Variants in EXOC6B observed in about 807,000 individuals in gnomAD.
EXOC6B encodes the protein SEC15 homolog B.
EXOC6B carries 54 observed loss-of-function variants against 113.5 expected under a neutral mutation model. That is an observed-to-expected ratio of 0.48 (90% CI 0.38 to 0.60). The LOEUF is 0.60. EXOC6B is among the 20% of genes least tolerant of loss of function. The pLI is 0.00. For synonymous variants in EXOC6B, 357 were observed against 339.0 expected (o/e 1.05, Z -0.58); for missense variants, 797 against 977.5 (o/e 0.82, Z 2.46).
At chr2:72,801,348 GCTCT>G (rs1267356487) in intron 1 of EXOC6B, among the ~76,000 whole-genome samples, 1 of 152,082 alleles carries the variant, frequency 6.6e-6, no homozygotes, top group Non-Finnish European at 1.5e-5. Context: ...AGATAAGTGT[GCTCT>G]CTGTTTATCA....
intron 6 of EXOC6B, among the ~76,000 whole-genome samples, chr2:72,699,027 C>T (rs553488516): frequency 6.6e-6 from 1 of 152,186 alleles, no homozygotes. Context: ...AATCCCCTGA[C>T]ATTTTATGTG....
chr2:72,467,744 G>A (rs773182669), intron 17 of EXOC6B, among the ~76,000 whole-genome samples: 5 of 151,612 alleles, frequency 3.3e-5, no homozygotes, highest in African/African-American at 4.8e-5. Flanking sequence ...CAGCTGTATC[G>A]TTTGCAAATA....
At chr2:72,580,615 T>G (rs1465008882) in intron 6 of EXOC6B, among the ~76,000 whole-genome samples, 2 of 152,190 alleles carry the variant, frequency 1.3e-5, no homozygotes, top group African/African-American at 4.8e-5. Flanking sequence ...ATCCTCTGTT[T>G]CACCTCTTAT....
intron 20 of EXOC6B, among the ~76,000 whole-genome samples, chr2:72,195,919 A>G (rs1252212092): frequency 1.3e-5 from 2 of 152,248 alleles, no homozygotes; most frequent in East Asian, 3.8e-4. Flanking sequence ...TATTAATATT[A>G]GTATGTGTGT....
chr2:72,675,971 T>C (rs1266461159), intron 6 of EXOC6B, among the ~76,000 whole-genome samples: 1 of 152,100 alleles, frequency 6.6e-6, no homozygotes, highest in Non-Finnish European at 1.5e-5. Flanking sequence ...GTAGAAATTT[T>C]TTTTTAAAGA....
chr2:72,438,941 C>G (rs1696038446), intron 18 of EXOC6B, among the ~76,000 whole-genome samples: 1 of 152,130 alleles, frequency 6.6e-6, no homozygotes, highest in African/African-American at 2.4e-5. Context: ...TGAAAAACAG[C>G]TATTAATAAA....
rs561422374 is a variant in EXOC6B, at chr2:72,340,198, T to C, written c.2123-5178A>G. Among the ~76,000 whole-genome samples, 100 of 152,240 alleles carry C rather than the reference T, an allele frequency of 6.6e-4. 1 individual carries two copies. The South Asian group carries it at 0.02, about 31-fold the overall frequency. ...CACAGAATACTAAATTAGAATAAAA[T>C]GGTAGAGTGAGAGTTAGGAGGGGCC... is the stretch of plus-strand genomic sequence containing the variant. On this transcript the variant is annotated intron_variant, in intron 19 of 21. Transcript: ENST00000272427.
At chr2:72,645,685 A>T (rs896048780) in intron 6 of EXOC6B, among the ~76,000 whole-genome samples, 6 of 152,232 alleles carry the variant, frequency 3.9e-5, no homozygotes, top group African/African-American at 1.4e-4. Flanking sequence ...CTGCTCCTGA[A>T]TGACTACTGG....
chr2:72,182,991 C>T (rs1678188065), intron 21 of EXOC6B: 1 of 963,968 alleles, frequency 1.0e-6, no homozygotes, highest in South Asian at 5.3e-5. Flanking sequence ...CAGGAGAAAA[C>T]TGCAGTCTGA....
chr2:72,224,056 C>A, intron 20 of EXOC6B, among the ~76,000 whole-genome samples: 1 of 151,886 alleles, frequency 6.6e-6, no homozygotes, highest in East Asian at 1.9e-4. Flanking sequence ...AGCACCTAAA[C>A]GAGGATTTTT....
At chr2:72,292,327 T>A (rs1478594978) in intron 20 of EXOC6B, among the ~76,000 whole-genome samples, 10 of 152,112 alleles carry the variant, frequency 6.6e-5, no homozygotes, top group African/African-American at 9.7e-5. Flanking sequence ...CCTGCTTTTT[T>A]AAAATATAAT....
intron 7 of EXOC6B, among the ~76,000 whole-genome samples, chr2:72,563,048 A>G (rs1193293339): frequency 1.3e-5 from 2 of 152,146 alleles, no homozygotes; most frequent in Non-Finnish European, 2.9e-5. Flanking sequence ...AGGATCAAAT[A>G]GTAGGTAAGA....
chr2:72,638,482 A>T (rs1672999301), intron 6 of EXOC6B, among the ~76,000 whole-genome samples: 1 of 152,112 alleles, frequency 6.6e-6, no homozygotes, highest in Non-Finnish European at 1.5e-5. Flanking sequence ...AGGTACCGAG[A>T]GTGAACAGAG....
intron 6 of EXOC6B, among the ~76,000 whole-genome samples, chr2:72,683,031 G>T (rs955967619): frequency 2.0e-5 from 3 of 152,100 alleles, no homozygotes; most frequent in Non-Finnish European, 4.4e-5. Flanking sequence ...ATCAACATTT[G>T]ACAATCTTGT....
At chr2:72,534,846 T>C (rs1459461966) in intron 8 of EXOC6B, among the ~76,000 whole-genome samples, 2 of 152,142 alleles carry the variant, frequency 1.3e-5, no homozygotes, top group African/African-American at 4.8e-5. Flanking sequence ...TTCTATGCAG[T>C]TTTTTCTGCT....
At chr2:72,283,634 C>T (rs1170460389) in intron 20 of EXOC6B, among the ~76,000 whole-genome samples, 1 of 151,890 alleles carries the variant, frequency 6.6e-6, no homozygotes, top group African/African-American at 2.4e-5. Flanking sequence ...CAGTAAATAT[C>T]AGAAAAAAAA....
At chr2:72,820,725 G>T (rs1686535014) in intron 1 of EXOC6B, among the ~76,000 whole-genome samples, 1 of 151,932 alleles carries the variant, frequency 6.6e-6, no homozygotes, top group Admixed American at 6.6e-5. Context: ...AGGAATCTGG[G>T]TTTTTTAAAA....
chr2:72,636,558 A>G (rs1558867270), intron 6 of EXOC6B, among the ~76,000 whole-genome samples: 1 of 152,128 alleles, frequency 6.6e-6, no homozygotes, highest in Non-Finnish European at 1.5e-5. Context: ...ACAGTGCTAG[A>G]GAAAGAGGAA....
At chr2:72,462,520 A>G (rs1180755049) in intron 18 of EXOC6B, 1 of 152,060 alleles carries the variant, frequency 6.6e-6, no homozygotes, top group Non-Finnish European at 1.5e-5. Context: ...AAGTGATTAC[A>G]TCACTCATTA....
Sources: gnomAD v4.1 joint callset for allele counts (sites outside exome capture counted in the v4.1 genomes callset) on GRCh38, gnomAD v4.1.1 for gene constraint, MANE v1.5 for transcripts, NCBI Gene and HGNC (gene_info 2026-07-23, HGNC 2026-07-21) for gene names.